The following TENM3 variants were observed in gnomAD, a reference collection of about 807,000 sequenced individuals.
TENM3 encodes the protein teneurin transmembrane protein 3, also known as teneurin-3.
A neutral mutation model predicts 255.1 loss-of-function variants in TENM3; 63 were observed. That is an observed-to-expected ratio of 0.25 (90% CI 0.20 to 0.30). The LOEUF is 0.30. Among genes scored for constraint, TENM3 ranks in the 10% least tolerant of loss-of-function variants. The probability of loss-of-function intolerance (pLI) is 1.00; values close to 1 mark genes in which losing one functional copy is unlikely to be tolerated. For missense variants in TENM3, 2,929 were observed against 3,461.1 expected, an observed-to-expected ratio of 0.85 and a Z score of 3.86; for synonymous variants, 1,306 against 1,322.3, an observed-to-expected ratio of 0.99 and a Z score of 0.27.
intron 24 of TENM3, among the ~76,000 whole-genome samples, chr4:182,787,250 C>T (rs1765739622): frequency 6.6e-6 from 1 of 152,168 alleles, no homozygotes; most frequent in Admixed American, 6.5e-5. Flanking sequence ...GGGATCTAGG[C>T]CAACCTCTTT....
the TENM3 span, among the ~76,000 whole-genome samples, chr4:181,943,344 A>C: frequency 7.5e-3 from 1,145 of 152,258 alleles, 2 homozygotes; most frequent in Non-Finnish European, 0.011. Context: ...GCCTTTAGCC[A>C]ATCAGATTAC....
At chr4:182,137,767 CTG>C in the TENM3 span, among the ~76,000 whole-genome samples, 7 of 152,148 alleles carry the variant, frequency 4.6e-5, no homozygotes, top group Admixed American at 2.6e-4. Flanking sequence ...ATTAAAGAAA[CTG>C]TATCTTTTTC....
chr4:181,872,826 T>A, the TENM3 span, among the ~76,000 whole-genome samples: 2 of 152,158 alleles, frequency 1.3e-5, no homozygotes, highest in African/African-American at 4.8e-5. Flanking sequence ...TGTCCTCAGC[T>A]CCTCTAACAA....
At chr4:181,813,142 T>C in the TENM3 span, among the ~76,000 whole-genome samples, 2 of 152,184 alleles carry the variant, frequency 1.3e-5, no homozygotes, top group Admixed American at 6.5e-5. Context: ...GAGGCCCTGC[T>C]TCCTCATTGA....
In TENM3 at chr4:182,659,560, C is replaced by T. The variant is rs901534336; in HGVS notation, c.1111+5667C>T. On this transcript the variant is annotated intron_variant, in intron 6 of 27. Transcript: ENST00000511685. ...TATATTAGGAAATGGCACCGTCGTT[C>T]ACTTCATCACTGGTCCAGGAGGCCC... Among the ~76,000 whole-genome samples, 12 of 152,256 alleles carry T rather than the reference C, an allele frequency of 7.9e-5. No individual in the cohort carries two copies. In the South Asian group the frequency reaches 2.1e-3, roughly 26 times the overall value.
intron 2 of TENM3, among the ~76,000 whole-genome samples, chr4:182,339,911 A>T (rs557126967): frequency 0.014 from 856 of 61,410 alleles, 7 homozygotes; most frequent in African/African-American, 0.028. Context: ...TTTTTGATTT[A>T]AAAAAAAAAG....
intron 3 of TENM3, among the ~76,000 whole-genome samples, chr4:182,386,775 A>T (rs4862060): frequency 6.6e-6 from 1 of 152,178 alleles, no homozygotes; most frequent in Non-Finnish European, 1.5e-5. Flanking sequence ...GCCGGGCCTT[A>T]GCTGCCTTCC....
the TENM3 span, among the ~76,000 whole-genome samples, chr4:181,604,126 G>T: frequency 6.6e-6 from 1 of 152,040 alleles, no homozygotes; most frequent in Non-Finnish European, 1.5e-5. Context: ...TTAGCCGGGC[G>T]TGGTGGCGGG....
chr4:182,177,931 T>G (rs1255610055), intron 1 of TENM3, among the ~76,000 whole-genome samples: 1 of 149,640 alleles, frequency 6.7e-6, no homozygotes, highest in Non-Finnish European at 1.5e-5. Flanking sequence ...TAAACTTTTG[T>G]CCAATATTTT....
At chr4:181,728,532 T>A in the TENM3 span, among the ~76,000 whole-genome samples, 1 of 152,252 alleles carries the variant, frequency 6.6e-6, no homozygotes, top group East Asian at 1.9e-4. Flanking sequence ...CTTCCTGATG[T>A]TGCCATGGCA....
chr4:182,484,859 C>G (rs1288087607), intron 3 of TENM3, among the ~76,000 whole-genome samples: 1 of 152,090 alleles, frequency 6.6e-6, no homozygotes, highest in Admixed American at 6.6e-5. Flanking sequence ...AAATTCAGTA[C>G]AGTAGATAAT....
At chr4:181,806,050 CT>C in the TENM3 span, among the ~76,000 whole-genome samples, 1 of 152,100 alleles carries the variant, frequency 6.6e-6, no homozygotes, top group African/African-American at 2.4e-5. Context: ...ATCATTCAGC[CT>C]TTTAAATCTT....
chr4:182,460,545 A>C (rs958212824), intron 3 of TENM3, among the ~76,000 whole-genome samples: 2 of 152,176 alleles, frequency 1.3e-5, no homozygotes, highest in Non-Finnish European at 2.9e-5. Flanking sequence ...GATGGAAAGA[A>C]ACAAAATGAA....
chr4:182,055,179 C>A, the TENM3 span, among the ~76,000 whole-genome samples: 1 of 151,968 alleles, frequency 6.6e-6, no homozygotes, highest in East Asian at 2.0e-4. Flanking sequence ...AGATCCCATC[C>A]CTACAAAAAA....
intron 2 of TENM3, among the ~76,000 whole-genome samples, chr4:182,335,382 C>G (rs1764052516): frequency 7.0e-6 from 1 of 142,030 alleles, no homozygotes; most frequent in Admixed American, 7.1e-5. Flanking sequence ...GTAGTCCCAG[C>G]TGCTCGGGAG....
At chr4:182,286,855 C>T (rs1467315223) in intron 1 of TENM3, among the ~76,000 whole-genome samples, 1 of 152,138 alleles carries the variant, frequency 6.6e-6, no homozygotes, top group East Asian at 1.9e-4. Flanking sequence ...CACTTAGCAG[C>T]CAGAGAAGTC....
intron 5 of TENM3, among the ~76,000 whole-genome samples, chr4:182,642,086 A>G (rs1392448768): frequency 1.3e-5 from 2 of 152,226 alleles, no homozygotes; most frequent in Non-Finnish European, 2.9e-5. Flanking sequence ...TCCTCTTACC[A>G]TACTCTTCAA....
At chr4:182,569,680 C>T (rs956007263) in intron 3 of TENM3, among the ~76,000 whole-genome samples, 1 of 152,048 alleles carries the variant, frequency 6.6e-6, no homozygotes, top group Non-Finnish European at 1.5e-5. Flanking sequence ...CGAAATGTGA[C>T]AGGACGTCAA....
chr4:182,564,844 T>C (rs889159820), intron 3 of TENM3, among the ~76,000 whole-genome samples: 1 of 152,236 alleles, frequency 6.6e-6, no homozygotes, highest in Non-Finnish European at 1.5e-5. Flanking sequence ...CAAATATTTC[T>C]ATGGCAGTGT....
Sources: allele counts gnomAD v4.1 joint callset (sites outside exome capture counted in the v4.1 genomes callset), GRCh38; gene constraint gnomAD v4.1.1; transcripts MANE v1.5; gene names NCBI Gene and HGNC (gene_info 2026-07-23, HGNC 2026-07-21).